FRZB: variants seen among roughly 807,000 people sequenced by gnomAD.
The protein encoded by FRZB is secreted frizzled-related protein 3.
In FRZB, 34 loss-of-function variants were observed where a neutral mutation model predicts 32.5. The observed-to-expected ratio is 1.05, with a 90% CI of 0.80 to 1.39. The LOEUF is 1.39. Ranked by LOEUF, FRZB falls within the 40% of genes most tolerant of loss-of-function variation. The pLI is 0.00. For missense variants in FRZB, 423 were observed against 424.8 expected, an observed-to-expected ratio of 1.00 and a Z score of 0.04; for synonymous variants, 170 against 159.2, an observed-to-expected ratio of 1.07 and a Z score of -0.51.
Position 182,866,300 on chromosome 2 carries a change from G to T in FRZB, c.253C>A (p.Leu85Ile), listed in dbSNP as rs1345601593. Residue 85 changes from leucine to isoleucine, a missense_variant, in exon 1 of 6, where the codon CTC (leucine) becomes ATC (isoleucine). Physicochemically the swap from Leu to Ile is conservative, Grantham distance 5 (BLOSUM62 2). Transcript: ENST00000295113. This position sits in a 1 kb window ranked among gnomAD's most constrained non-coding sequence, Gnocchi z 4.5. ...GCGTACATGGCACAGAGGAAGAAGAGCAGATCGGGGCTGCAGTGGGTGCCC... is the reference window on the plus strand; with the variant it reads ...GCGTACATGGCACAGAGGAAGAAGATCAGATCGGGGCTGCAGTGGGTGCCC... ...LLGTHCSPDLLFFLCAMYAPI... is the reference protein window; with the variant it reads ...LLGTHCSPDLIFFLCAMYAPI... 1.9e-6 allele frequency: 3 copies of T among 1,614,264 alleles called. No homozygotes were observed. The East Asian group carries it at 6.7e-5, about 36-fold the overall frequency.
At chr2:182,849,915 G>A in intron 2 of FRZB, among the ~76,000 whole-genome samples, 1 of 152,146 alleles carries the variant, frequency 6.6e-6, no homozygotes, top group East Asian at 1.9e-4. Flanking sequence ...GTTGTTTTGA[G>A]ATAGACTCTA....
At chr2:182,854,995 T>G (rs903420737) in intron 2 of FRZB, among the ~76,000 whole-genome samples, 1 of 152,198 alleles carries the variant, frequency 6.6e-6, no homozygotes, top group African/African-American at 2.4e-5. Flanking sequence ...ATCACAGATT[T>G]CAAAAACTGC....
At chr2:182,852,680 A>G (rs1695722150) in intron 2 of FRZB, among the ~76,000 whole-genome samples, 1 of 152,200 alleles carries the variant, frequency 6.6e-6, no homozygotes, top group Admixed American at 6.5e-5. Flanking sequence ...GACCACTTGA[A>G]TATCTGCTTT....
At chr2:182,861,500 T>C (rs573174022) in intron 1 of FRZB, among the ~76,000 whole-genome samples, 2 of 152,368 alleles carry the variant, frequency 1.3e-5, no homozygotes, top group East Asian at 3.9e-4. Context: ...AACATTTATA[T>C]TGTGCTTTAC....
intron 1 of FRZB, among the ~76,000 whole-genome samples, chr2:182,860,017 C>T (rs11889260): frequency 0.16 from 23,625 of 152,028 alleles, 2,413 homozygotes; most frequent in African/African-American, 0.29. Context: ...AAAATAATGT[C>T]TTCATAAAGG....
intron 3 of FRZB, 58 bp from the exon 4 acceptor site, chr2:182,838,671 C>A: frequency 7.2e-7 from 1 of 1,381,770 alleles, no homozygotes; most frequent in Non-Finnish European, 1.0e-6. Flanking sequence ...CTACCCCATT[C>A]AAAAAAAGCC....
intron 2 of FRZB, among the ~76,000 whole-genome samples, chr2:182,853,369 A>G (rs1169716281): frequency 6.6e-6 from 1 of 152,192 alleles, no homozygotes; most frequent in Admixed American, 6.5e-5. Context: ...ACAAATTGGT[A>G]ACATATACAT....
chr2:182,841,412 A>G (rs1351517215), intron 3 of FRZB, among the ~76,000 whole-genome samples: 1 of 152,154 alleles, frequency 6.6e-6, no homozygotes, highest in African/African-American at 2.4e-5. Flanking sequence ...AATCTGCTGT[A>G]TATATCCTAT....
At chr2:182,856,595 A>G (rs1305785306) in intron 2 of FRZB, among the ~76,000 whole-genome samples, 1 of 152,148 alleles carries the variant, frequency 6.6e-6, no homozygotes, top group African/African-American at 2.4e-5. Context: ...TTAAAACACA[A>G]TGACTTAAGT....
At chr2:182,853,001 C>T (rs1480972723) in intron 2 of FRZB, among the ~76,000 whole-genome samples, 1 of 152,190 alleles carries the variant, frequency 6.6e-6, no homozygotes, top group Non-Finnish European at 1.5e-5. Flanking sequence ...TGTTTTCATG[C>T]CTTCCTCATT....
chr2:182,841,267 T>A (rs1490213201), intron 3 of FRZB, among the ~76,000 whole-genome samples: 2 of 152,132 alleles, frequency 1.3e-5, no homozygotes, highest in African/African-American at 4.8e-5. Flanking sequence ...TGGATTTGTT[T>A]TAAAGAGATT....
Position 182,866,212 on chromosome 2 carries a change from C to A in FRZB, c.341G>T (p.Arg114Leu), listed in dbSNP as rs200401426. Residue 114 changes from arginine (R) to leucine (L), a missense_variant, in exon 1 of 6, where the codon CGG becomes CTG. Transcript: ENST00000295113. The surrounding 1 kb of genome is among the most constrained non-coding windows in gnomAD (Gnocchi z 4.5). The part of the protein sequence containing the change: ...PIKPCKSVCE[R>L]ARQGCEPILI... ...TATGGGCTCACAGCCCTGCCGGGCC[C>A]GCTCGCACACAGACTTACAGGGCTT... is the stretch of plus-strand genomic sequence containing the variant. 2.4e-5 allele frequency: 39 copies of A among 1,614,044 alleles called. No individual in the cohort carries two copies. The highest frequency in any genetic ancestry group is 3.2e-5 in the Non-Finnish European group (38 of 1,180,042).
chr2:182,843,951 TTA>T (rs1158799033), intron 2 of FRZB, among the ~76,000 whole-genome samples: 2 of 152,160 alleles, frequency 1.3e-5, no homozygotes, highest in African/African-American at 4.8e-5. Context: ...AAAAGTTGTT[TTA>T]TGTTAACATG....
chr2:182,838,138 A>G, intron 4 of FRZB, 127 bp from the exon 5 acceptor site: 1 of 766,472 alleles, frequency 1.3e-6, no homozygotes, highest in Non-Finnish European at 2.1e-6. Flanking sequence ...AAGATTTAGA[A>G]CAGTAATTAT....
intron 1 of FRZB, among the ~76,000 whole-genome samples, chr2:182,863,487 G>A (rs1695857041): frequency 6.6e-6 from 1 of 152,226 alleles, no homozygotes; most frequent in Non-Finnish European, 1.5e-5. Context: ...TTTGTAAAAG[G>A]TCCTAAGCTT....
chr2:182,853,589 G>C (rs1251659098), intron 2 of FRZB, among the ~76,000 whole-genome samples: 1 of 152,186 alleles, frequency 6.6e-6, no homozygotes, highest in Non-Finnish European at 1.5e-5. Flanking sequence ...ATTTACTTAT[G>C]TATTTAATGG....
At chr2:182,865,915 AAAG>A (rs1695884676) in intron 1 of FRZB, among the ~76,000 whole-genome samples, 157 bp downstream of exon 1, 1 of 152,170 alleles carries the variant, frequency 6.6e-6, no homozygotes, top group Admixed American at 6.5e-5. Context: ...GTTTTTGAAA[AAAG>A]AAGAAAGAAG....
In FRZB at chr2:182,834,841, T is replaced by A; in HGVS notation, c.*8A>T. 1.2e-6 allele frequency: 2 copies of A among 1,601,492 alleles called. No homozygotes were observed. Among genetic ancestry groups the A allele is most frequent in the Non-Finnish European group, 1.7e-6 (2 of 1,168,886 alleles). On this transcript the variant is annotated 3_prime_UTR_variant, in exon 6 of 6. Transcript: ENST00000295113. ...AAGTCCACTGTGTTACTTTTTGTAT[T>A]TCGGGATTTAGTTGCGTGCTTGCCG...
chr2:182,846,089 T>C (rs1381289396), intron 2 of FRZB, among the ~76,000 whole-genome samples: 1 of 152,218 alleles, frequency 6.6e-6, no homozygotes, highest in Non-Finnish European at 1.5e-5. Context: ...GCCTTCTTTA[T>C]TCAGTTTTGC....
Sources: allele counts gnomAD v4.1 joint callset (sites outside exome capture counted in the v4.1 genomes callset), GRCh38; gene constraint gnomAD v4.1.1; non-coding constraint Gnocchi (gnomAD v3.1); transcripts MANE v1.5; gene names NCBI Gene and HGNC (gene_info 2026-07-23, HGNC 2026-07-21).